The following CDH7 variants were observed in gnomAD, a reference collection of about 807,000 sequenced individuals.
The protein encoded by CDH7 is cadherin-7.
In CDH7, 25 loss-of-function variants were observed where a neutral mutation model predicts 71.8. The observed-to-expected ratio is 0.35, with a 90% CI of 0.25 to 0.49. CDH7 has a LOEUF of 0.49. CDH7 is among the 20% of genes least tolerant of loss of function. The probability of loss-of-function intolerance (pLI) is 0.99; values close to 1 mark genes in which losing one functional copy is unlikely to be tolerated. For missense variants in CDH7, 862 were observed against 974.6 expected, an observed-to-expected ratio of 0.88 and a Z score of 1.54; for synonymous variants, 381 against 363.8, an observed-to-expected ratio of 1.05 and a Z score of -0.54.
In CDH7 at chr18:65,813,844, C is replaced by T. The variant is rs79568192; in HGVS notation, c.506-641C>T. Among the ~76,000 whole-genome samples the T allele has an allele frequency of 3.1e-3, 478 of 152,190 alleles. 3 individuals are homozygous for T. The highest frequency in any genetic ancestry group is 0.011 in the African/African-American group (456 of 41,510). Reference sequence around the variant, plus strand: ...TATAACAAAGAAAAAACTATTGATGCAATTTTTAAAGTTTCCATGGCTTTC... The same window carrying T: ...TATAACAAAGAAAAAACTATTGATGTAATTTTTAAAGTTTCCATGGCTTTC... On this transcript the variant is annotated intron_variant, in intron 3 of 11. Coordinates refer to ENST00000397968, the MANE Select transcript of CDH7 (RefSeq NM_004361.5).
chr18:65,866,315 C>CAAAAAAAAAAAAAAAAAA (rs1568228989), intron 11 of CDH7: 1 of 1,358 alleles, frequency 7.4e-4, no homozygotes, highest in African/African-American at 1.5e-3. Context: ...AAAAAAAAAA[C>CAAAAAAAAAAAAAAAAAA]AAAAAAAAAA....
intron 11 of CDH7, among the ~76,000 whole-genome samples, chr18:65,875,478 T>C (rs1469411478): frequency 6.6e-6 from 1 of 152,004 alleles, no homozygotes; most frequent in East Asian, 1.9e-4. Flanking sequence ...CACTAATTTG[T>C]AGTATGGTGT....
chr18:65,841,340 A>G (rs1912725024), intron 6 of CDH7, among the ~76,000 whole-genome samples: 1 of 152,158 alleles, frequency 6.6e-6, no homozygotes, highest in Non-Finnish European at 1.5e-5. Flanking sequence ...ATTCTTTCAT[A>G]AGGGAGACAA....
chr18:65,832,708 T>G (rs1912393834), intron 6 of CDH7, among the ~76,000 whole-genome samples: 1 of 152,158 alleles, frequency 6.6e-6, no homozygotes, highest in Non-Finnish European at 1.5e-5. Flanking sequence ...ACATAAAGAT[T>G]ATCACATTTG....
intron 2 of CDH7, among the ~76,000 whole-genome samples, chr18:65,769,185 T>G (rs1916471221): frequency 6.6e-6 from 1 of 152,154 alleles, no homozygotes; most frequent in Non-Finnish European, 1.5e-5. Context: ...TGCACCTCTG[T>G]GATTTTGTAT....
intron 2 of CDH7, among the ~76,000 whole-genome samples, chr18:65,792,773 A>T (rs116181375): frequency 1.7e-3 from 254 of 152,310 alleles, no homozygotes; most frequent in African/African-American, 5.9e-3. Context: ...TAGGCCTGCA[A>T]GAAAACTCAG....
chr18:65,808,070 C>A (rs1031631295), intron 2 of CDH7, among the ~76,000 whole-genome samples: 1 of 152,156 alleles, frequency 6.6e-6, no homozygotes, highest in African/African-American at 2.4e-5. Flanking sequence ...AAGTTCTTAG[C>A]CTTTCTTTAC....
At chr18:65,819,126 A>G (rs909902217) in intron 4 of CDH7, among the ~76,000 whole-genome samples, 2 of 152,064 alleles carry the variant, frequency 1.3e-5, no homozygotes, top group African/African-American at 4.8e-5. Context: ...CAGTGCCATG[A>G]CAGTTTATAA....
In CDH7 at chr18:65,889,590, A is replaced by C. The variant is rs1914455219; in HGVS notation, c.*8696A>C. 6.6e-6 allele frequency: 1 copy of C among 152,220 alleles called. No individual in the cohort carries two copies. The highest frequency in any genetic ancestry group is 2.1e-4 in the South Asian group (1 of 4,828). The allele number at this position is 152,220 out of a possible 1,614,324, so 9.4% of individuals were successfully genotyped here. ...TTCAGGTAATTATCAGAAACATGAC[A>C]AGAAAAAGCTTTGTGTAAAATACAG... On this transcript the variant is annotated 3_prime_UTR_variant, in exon 12 of 12. Transcript: ENST00000397968.
At chr18:65,768,922 TTTC>T (rs779048297) in intron 2 of CDH7, among the ~76,000 whole-genome samples, 7 of 152,198 alleles carry the variant, frequency 4.6e-5, no homozygotes, top group Admixed American at 1.3e-4. Context: ...CTGTGTTTAC[TTTC>T]TTCTTTTCTC....
chr18:65,795,691 C>A (rs1381523980), intron 2 of CDH7, among the ~76,000 whole-genome samples: 1 of 152,078 alleles, frequency 6.6e-6, no homozygotes, highest in Non-Finnish European at 1.5e-5. Flanking sequence ...CAAATAAATG[C>A]ACTTGTCCTG....
chr18:65,786,782 C>T (rs909728204), intron 2 of CDH7, among the ~76,000 whole-genome samples: 1 of 152,054 alleles, frequency 6.6e-6, no homozygotes, highest in African/African-American at 2.4e-5. Context: ...TTCCTGGTCT[C>T]AAACAATCAT....
At chr18:65,836,076 A>T (rs1286603859) in intron 6 of CDH7, among the ~76,000 whole-genome samples, 9 of 152,192 alleles carry the variant, frequency 5.9e-5, no homozygotes, top group Non-Finnish European at 1.2e-4. Flanking sequence ...CCAAGAATAC[A>T]TGCAGCTTTT....
chr18:65,793,756 A>G (rs1023903457), intron 2 of CDH7, among the ~76,000 whole-genome samples: 26 of 152,292 alleles, frequency 1.7e-4, no homozygotes, highest in African/African-American at 5.8e-4. Flanking sequence ...CAGTAGCAGT[A>G]ATAAACAAAA....
chr18:65,790,373 G>A (rs560647751), intron 2 of CDH7, among the ~76,000 whole-genome samples: 2 of 152,068 alleles, frequency 1.3e-5, no homozygotes, highest in African/African-American at 2.4e-5. Context: ...AATGTCTCTC[G>A]ATAAAGAAGA....
rs3061864 is a variant in CDH7 at position 65,888,742 on chromosome 18, A to AACACACACAC, written c.*7861_*7870dup. The AACACACACAC allele has an allele frequency of 3.8e-4, 57 of 148,956 alleles. No individual in the cohort carries two copies. Among genetic ancestry groups the AACACACACAC allele is most frequent in the Middle Eastern group, 3.5e-3 (1 of 288 alleles). 9.2% of individuals were successfully genotyped at this position (148,956 alleles called of 1,614,324 possible). A position where few individuals can be genotyped will look rare whatever the true frequency, so the allele number is the denominator to read the frequency against. On this transcript the variant is annotated 3_prime_UTR_variant, in exon 12 of 12. Coordinates refer to ENST00000397968, the MANE Select transcript of CDH7 (RefSeq NM_004361.5). Reference sequence around the variant, plus strand: ...GCCCAGAATAACTGTAACTTATGCAAACACACACACACACACACACACTCA... The same window carrying AACACACACAC: ...GCCCAGAATAACTGTAACTTATGCAAACACACACACACACACACACACACACACACACTCA...
chr18:65,758,137 G>A (rs1013787885), intron 1 of CDH7, among the ~76,000 whole-genome samples: 4 of 152,106 alleles, frequency 2.6e-5, no homozygotes, highest in Non-Finnish European at 4.4e-5. Flanking sequence ...AAGATAAAAA[G>A]CCTTATAAAG....
chr18:65,762,664 C>A lies in CDH7; in HGVS notation c.-179C>A. 1.7e-6 allele frequency: 1 copy of A among 581,702 alleles called. No individual in the cohort carries two copies. The allele number at this position is 581,702 out of a possible 1,614,324, so 36.0% of individuals were successfully genotyped here. ...TCTGATAGGTACTTACTACACCATT[C>A]TTTGGCGAAGGCTATTCAGCAGTGG... On this transcript the variant is annotated 5_prime_UTR_variant, in exon 2 of 12. Coordinates refer to ENST00000397968, the MANE Select transcript of CDH7 (RefSeq NM_004361.5).
chr18:65,762,752 C>A lies in CDH7; in HGVS notation c.-91C>A, dbSNP rs894361486. The A allele has an allele frequency of 9.8e-7, 1 of 1,023,308 alleles. No homozygotes were observed. Among genetic ancestry groups the A allele is most frequent in the South Asian group, 1.6e-5 (1 of 61,644 alleles). 63.4% of individuals were successfully genotyped at this position (1,023,308 alleles called of 1,614,324 possible). The stretch of plus-strand genomic sequence containing the variant: ...TCTGGACTCCCAGCTGACACCCTGC[C>A]GGAGGCAAGAGCTACTAAGCCAACT... On this transcript the variant is annotated 5_prime_UTR_variant, in exon 2 of 12. Transcript: ENST00000397968.
Sources: allele counts gnomAD v4.1 joint callset (sites outside exome capture counted in the v4.1 genomes callset), GRCh38; gene constraint gnomAD v4.1.1; transcripts MANE v1.5; gene names NCBI Gene and HGNC (gene_info 2026-07-23, HGNC 2026-07-21).